DYSF: variants seen among roughly 807,000 people sequenced by gnomAD.
DYSF encodes dysferlin, also known as dystrophy-associated fer-1-like 1.
A neutral mutation model predicts 274.9 loss-of-function variants in DYSF; 212 were observed. That is an observed-to-expected ratio of 0.77 (90% CI 0.69 to 0.86). The LOEUF is 0.86. DYSF is among the 40% of genes least tolerant of loss of function. DYSF has a pLI of 0.00. For missense variants in DYSF, 2,666 were observed against 2,783.2 expected (o/e 0.96, Z 0.95); for synonymous variants, 1,091 against 1,078.7 (o/e 1.01, Z -0.22).
chr2:71,490,529 G>A (rs1558989220), intron 3 of DYSF, among the ~76,000 whole-genome samples: 1 of 152,168 alleles, frequency 6.6e-6, no homozygotes, highest in African/African-American at 2.4e-5. Flanking sequence ...TAGTCACCAT[G>A]TTGGCCAGGC....
intron 46 of DYSF, among the ~76,000 whole-genome samples, chr2:71,664,872 C>T (rs2094966389): frequency 6.6e-6 from 1 of 152,172 alleles, no homozygotes; most frequent in African/African-American, 2.4e-5. Flanking sequence ...AGGACTGCAC[C>T]CCTCTTCCCA....
chr2:71,534,397 G>A (rs2089081920), intron 14 of DYSF, among the ~76,000 whole-genome samples: 2 of 152,164 alleles, frequency 1.3e-5, no homozygotes, highest in Non-Finnish European at 2.9e-5. Flanking sequence ...GGCCAGGGCT[G>A]GCCTGTGAGC....
At chr2:71,589,226 C>T (rs2093173054) in intron 30 of DYSF, among the ~76,000 whole-genome samples, 1 of 152,172 alleles carries the variant, frequency 6.6e-6, no homozygotes, top group South Asian at 2.1e-4. Flanking sequence ...AGCCTGGAAC[C>T]TCCACATTTC....
At chr2:71,518,840 C>T (rs1272179961) in intron 10 of DYSF, among the ~76,000 whole-genome samples, 1 of 151,844 alleles carries the variant, frequency 6.6e-6, no homozygotes, top group African/African-American at 2.4e-5. Context: ...TGCCTGTGAT[C>T]CCAGTGCTTT....
chr2:71,669,460 T>G, intron 50 of DYSF, 145 bp from the exon 51 acceptor site: 2 of 1,085,956 alleles, frequency 1.8e-6, no homozygotes, highest in South Asian at 2.7e-5. Context: ...TTATGGCACA[T>G]TTTGTACATC....
chr2:71,568,270 C>A lies in DYSF; in HGVS notation c.2796C>A (p.Pro932=), dbSNP rs1055792485. ...ACGTCACGGGCAAGATCAAGCTACC[C>A]AAGGACAGCTTCCGCCCCTCGGCCG... is the stretch of plus-strand genomic sequence containing the variant. The part of the protein sequence containing the change: ...FSDVTGKIKL[P]KDSFRPSAGW... The change falls in exon 26 of 56, where the codon CCC becomes CCA. Residue 932 remains proline (P), a synonymous_variant. Transcript: ENST00000410020. 6.2e-7 allele frequency: 1 copy of A among 1,614,108 alleles called. No individual in the cohort carries two copies. Among genetic ancestry groups the A allele is most frequent in the African/African-American group, 1.3e-5 (1 of 74,936 alleles).
At chr2:71,686,101 G>A (rs534042731) in intron 55 of DYSF, among the ~76,000 whole-genome samples, 1 of 152,306 alleles carries the variant, frequency 6.6e-6, no homozygotes, top group African/African-American at 2.4e-5. Flanking sequence ...GAGTCCTCTG[G>A]GCAGTCAGCT....
chr2:71,639,864 T>G (rs1011463767), intron 41 of DYSF, among the ~76,000 whole-genome samples: 15 of 152,218 alleles, frequency 9.9e-5, no homozygotes, highest in Non-Finnish European at 2.2e-4. Context: ...AGATTAGCTC[T>G]TGGCCAAGAA....
Position 71,528,295 on chromosome 2 carries a change from C to T in DYSF, c.1277-3C>T, listed in dbSNP as rs766420374. On this transcript the variant is annotated splice_region_variant and splice_polypyrimidine_tract_variant and intron_variant, in intron 13 of 55. Transcript: ENST00000410020. ...GCAGTGACTGGTGTGTCCCTCTTCCCAGTGGACGATGCCGTGATGGACAAC... is the reference window on the plus strand; with the variant it reads ...GCAGTGACTGGTGTGTCCCTCTTCCTAGTGGACGATGCCGTGATGGACAAC... The T allele has an allele frequency of 6.2e-6, 10 of 1,613,386 alleles. No homozygotes were observed. The South Asian group carries it at 7.7e-5, about 12-fold the overall frequency.
At chr2:71,566,756 A>G (rs2092134019) in intron 24 of DYSF, among the ~76,000 whole-genome samples, 1 of 152,128 alleles carries the variant, frequency 6.6e-6, no homozygotes, top group Non-Finnish European at 1.5e-5. Context: ...AGCCATGGAG[A>G]GGTTTCCCCG....
At chr2:71,512,763 T>C (rs2086227937) in intron 5 of DYSF, among the ~76,000 whole-genome samples, 1 of 152,174 alleles carries the variant, frequency 6.6e-6, no homozygotes, top group Non-Finnish European at 1.5e-5. Flanking sequence ...CATGTCTCAA[T>C]TGAGTGTGCC....
chr2:71,682,776 T>G (rs2095311831), intron 55 of DYSF, 99 bp downstream of exon 55: 1 of 1,503,376 alleles, frequency 6.7e-7, no homozygotes, highest in African/African-American at 1.4e-5. Flanking sequence ...TGGAGAGAAG[T>G]AACCTCTGTC....
In DYSF at chr2:71,515,710, C is replaced by A. The variant is rs769180834; in HGVS notation, c.847C>A (p.Arg283=). 32 of 1,613,954 alleles carry A rather than the reference C, an allele frequency of 2.0e-5. No individual in the cohort carries two copies. In the South Asian group the frequency reaches 3.3e-4, roughly 17 times the overall value. Residue 283 remains arginine (R), a synonymous_variant, in exon 8 of 56, where the codon CGG becomes AGG. Coordinates refer to ENST00000410020, the MANE Select transcript of DYSF (RefSeq NM_001130987.2). The part of the protein sequence containing the change: ...VKVTAAGQTK[R]TRIHKGNSPL... ...GGTTACCGCTGCAGGGCAGACCAAG[C>A]GGACGCGGATCCACAAGGGAAACAG...
chr2:71,600,923 C>T (rs1008951818), intron 34 of DYSF, 81 bp downstream of exon 34: 16 of 1,582,736 alleles, frequency 1.0e-5, no homozygotes, highest in Non-Finnish European at 1.4e-5. Flanking sequence ...GCCTGGAACA[C>T]CTCCTCTGAA....
At chr2:71,580,890 A>G (rs1382045597) in intron 30 of DYSF, among the ~76,000 whole-genome samples, 1 of 152,190 alleles carries the variant, frequency 6.6e-6, no homozygotes, top group Non-Finnish European at 1.5e-5. Context: ...CTCAGGCAAA[A>G]TGCCAGCGCC....
intron 8 of DYSF, 139 bp from the exon 9 acceptor site, chr2:71,516,040 TC>T: frequency 1.0e-6 from 1 of 955,070 alleles, no homozygotes. Flanking sequence ...ACTTGTCCAA[TC>T]CCCAGAACTG....
chr2:71,630,864 A>G (rs533494774), intron 41 of DYSF, among the ~76,000 whole-genome samples: 1 of 152,312 alleles, frequency 6.6e-6, no homozygotes, highest in South Asian at 2.1e-4. Context: ...TTCAGGCCTG[A>G]TTAGTACCTT....
At chr2:71,639,080 A>C (rs2094449791) in intron 41 of DYSF, among the ~76,000 whole-genome samples, 1 of 152,202 alleles carries the variant, frequency 6.6e-6, no homozygotes, top group Non-Finnish European at 1.5e-5. Context: ...GTGATGTCTA[A>C]TGATGTGGAG....
intron 1 of DYSF, among the ~76,000 whole-genome samples, chr2:71,479,798 C>T (rs996743573): frequency 1.3e-5 from 2 of 152,230 alleles, no homozygotes; most frequent in Non-Finnish European, 2.9e-5. Flanking sequence ...AGCCATTCTG[C>T]ATTCCCTCAG....
Sources: allele counts gnomAD v4.1 joint callset (sites outside exome capture counted in the v4.1 genomes callset), GRCh38; gene constraint gnomAD v4.1.1; transcripts MANE v1.5; gene names NCBI Gene and HGNC (gene_info 2026-07-23, HGNC 2026-07-21).